The following DST variants were observed in gnomAD, a reference collection of about 807,000 sequenced individuals.
The protein encoded by DST is bullous pemphigoid antigen.
A neutral mutation model predicts 875.2 loss-of-function variants in DST; 253 were observed. That is an observed-to-expected ratio of 0.29 (90% CI 0.26 to 0.32). DST has a LOEUF of 0.32. DST is among the 10% of genes least tolerant of loss of function. The pLI is 1.00. For synonymous variants in DST, 3,124 were observed against 3,197.1 expected (o/e 0.98, Z 0.77); for missense variants, 8,287 against 9,111.6 (o/e 0.91, Z 3.68).
Position 56,636,285 on chromosome 6 carries a change from CACAT to C in DST, c.3060+268_3060+271del, listed in dbSNP as rs1241282676. On this transcript the variant is annotated intron_variant, in intron 23 of 103. Transcript: ENST00000680361. The stretch of plus-strand genomic sequence containing the variant: ...ACACACACAAACACACACACACACA[CACAT>C]ATACATATATACATATATAACAGTG... 3.2e-3 allele frequency among the ~76,000 whole-genome samples: 475 copies of C among 149,700 alleles called. 1 individual carries two copies. Among genetic ancestry groups the C allele is most frequent in the African/African-American group, 0.011 (444 of 39,988 alleles).
At chr6:56,479,767 A>T (rs2095339048) in intron 90 of DST, among the ~76,000 whole-genome samples, 1 of 152,064 alleles carries the variant, frequency 6.6e-6, no homozygotes, top group Non-Finnish European at 1.5e-5. Flanking sequence ...GACACTGAAG[A>T]CTCCAAAAAG....
At chr6:56,802,572 C>T (rs1241960707) in intron 4 of DST, among the ~76,000 whole-genome samples, 1 of 152,008 alleles carries the variant, frequency 6.6e-6, no homozygotes, top group Non-Finnish European at 1.5e-5. Flanking sequence ...TAGACTCTAA[C>T]AGGACATTAA....
At chr6:56,642,894 A>G (rs2152782625) in intron 15 of DST, 3 of 1,580,798 alleles carry the variant, frequency 1.9e-6, no homozygotes, top group East Asian at 4.5e-5. Context: ...GCAGCTGAAT[A>G]TTACAGCTTT....
At chr6:56,534,026 CTGAT>C (rs1473544081) in intron 63 of DST, among the ~76,000 whole-genome samples, 2 of 152,084 alleles carry the variant, frequency 1.3e-5, no homozygotes, top group Non-Finnish European at 2.9e-5. Context: ...TTAAATCAAT[CTGAT>C]TGACATATCC....
At chr6:56,466,396 G>GAA (rs34370097) in intron 98 of DST, 59 of 345,432 alleles carry the variant, frequency 1.7e-4, no homozygotes, top group Non-Finnish European at 2.5e-4. Flanking sequence ...GAAACAGTTT[G>GAA]AAAAAAAAAA....
chr6:56,535,556 C>T (rs146628034), intron 62 of DST, among the ~76,000 whole-genome samples: 24 of 152,170 alleles, frequency 1.6e-4, no homozygotes, highest in African/African-American at 4.8e-4. Flanking sequence ...TTGTCTAATA[C>T]GTTTTATGAT....
At chr6:56,580,449 T>C (rs1307829264) in intron 49 of DST, among the ~76,000 whole-genome samples, 5 of 151,984 alleles carry the variant, frequency 3.3e-5, no homozygotes, top group Non-Finnish European at 5.9e-5. Context: ...ACTCAGGAGC[T>C]GAGTCAGGAA....
chr6:56,661,288 C>T (rs2099039648), intron 10 of DST, among the ~76,000 whole-genome samples: 1 of 151,630 alleles, frequency 6.6e-6, no homozygotes, highest in Non-Finnish European at 1.5e-5. Flanking sequence ...ATGAACCTAT[C>T]AAAGAAAAAC....
In DST at chr6:56,954,624, T is replaced by G. The variant is rs767632948; in HGVS notation, c.-37A>C. 1.5e-6 allele frequency: 2 copies of G among 1,290,406 alleles called. No individual in the cohort carries two copies. The highest frequency in any genetic ancestry group is 2.0e-6 in the Non-Finnish European group (2 of 985,180). 79.9% of individuals were successfully genotyped at this position (1,290,406 alleles called of 1,614,324 possible). On this transcript the variant is annotated 5_prime_UTR_variant, in exon 1 of 104. Transcript: ENST00000680361. ...GGCGAGGGCGACTCGACGGCGGGGCTGGAGGGCGGCGGCACAGGCACCCGC... is the reference window on the plus strand; with the variant it reads ...GGCGAGGGCGACTCGACGGCGGGGCGGGAGGGCGGCGGCACAGGCACCCGC...
chr6:56,777,689 G>C (rs2099681868), intron 4 of DST, among the ~76,000 whole-genome samples: 1 of 151,900 alleles, frequency 6.6e-6, no homozygotes, highest in African/African-American at 2.4e-5. Context: ...AAATAGGAAA[G>C]AAGCATTTCC....
At chr6:56,833,891 C>T (rs1391527888) in intron 4 of DST, among the ~76,000 whole-genome samples, 2 of 150,622 alleles carry the variant, frequency 1.3e-5, no homozygotes, top group African/African-American at 2.4e-5. Context: ...CCAAAATATA[C>T]AAAAAACTCC....
Position 56,573,883 on chromosome 6 carries a change from G to A in DST, c.13032C>T (p.Asp4344=). 6.2e-7 allele frequency: 1 copy of A among 1,610,738 alleles called. No homozygotes were observed. The highest frequency in any genetic ancestry group is 8.5e-7 in the Non-Finnish European group (1 of 1,177,680). Residue 4344 remains aspartate, a synonymous_variant, in exon 51 of 104, where the codon GAC becomes GAT. Transcript: ENST00000680361. ...ACAGATCCTCATATCTCCCAACAAT[G>A]TCATCTACTCCAAACAGATCAGGAA... The part of the protein sequence containing the change: ...AKNDIQKTLD[D]IVGRYEDLSK...
chr6:56,807,928 T>C (rs778371254), intron 4 of DST, among the ~76,000 whole-genome samples: 1 of 152,220 alleles, frequency 6.6e-6, no homozygotes, highest in Non-Finnish European at 1.5e-5. Flanking sequence ...ATAATTCCTA[T>C]TACTTCCAAT....
At chr6:56,761,819 T>C (rs2099617890) in intron 4 of DST, among the ~76,000 whole-genome samples, 1 of 152,208 alleles carries the variant, frequency 6.6e-6, no homozygotes, top group Non-Finnish European at 1.5e-5. Context: ...AAAGAAGAAC[T>C]TACATCACAA....
At chr6:56,816,888 T>C (rs1374621772) in intron 4 of DST, among the ~76,000 whole-genome samples, 1 of 151,666 alleles carries the variant, frequency 6.6e-6, no homozygotes, top group African/African-American at 2.4e-5. Context: ...TTGTTAGCAA[T>C]AATGTTCATA....
At chr6:56,701,864 T>C in intron 8 of DST, 24 bp downstream of exon 8, 1 of 1,401,016 alleles carries the variant, frequency 7.1e-7, no homozygotes, top group South Asian at 1.2e-5. Flanking sequence ...TTTATATGAT[T>C]ACAGTATTTT....
chr6:56,593,062 T>C (rs1233052115), intron 48 of DST, among the ~76,000 whole-genome samples: 4 of 152,204 alleles, frequency 2.6e-5, no homozygotes, highest in Non-Finnish European at 5.9e-5. Flanking sequence ...TGCAAGCATC[T>C]GTTTTTGCTT....
At position 56,606,124 on chromosome 6, in the gene DST, A is replaced by C. The variant is rs377329549; in HGVS notation, c.8504T>G (p.Met2835Arg). Residue 2835 changes from methionine (M) to arginine (R), a missense_variant, in exon 40 of 104, where the codon ATG becomes AGG. This residue lies in a region of DST where 3,138 missense variants were observed against 3,116.6 expected (regional missense o/e 1.01). Transcript: ENST00000680361. The stretch of plus-strand genomic sequence containing the variant: ...AATAGAGGCACACAACTGGATATCC[A>C]TATCTTCAGCCACATTTTGGCACCT... ...KPRCQNVAEDMDIQLCASILN... is the reference protein window; with the variant it reads ...KPRCQNVAEDRDIQLCASILN... The C allele has an allele frequency of 1.3e-4, 212 of 1,612,816 alleles. No homozygotes were observed. The African/African-American group carries it at 2.4e-3, about 18-fold the overall frequency.
chr6:56,882,962 G>T (rs546115912), intron 3 of DST, among the ~76,000 whole-genome samples: 51 of 152,330 alleles, frequency 3.3e-4, no homozygotes, highest in Middle Eastern at 3.4e-3. Context: ...TGCCTGCCAG[G>T]TTCAAGCTGA....
Sources: gnomAD v4.1 joint callset for allele counts (sites outside exome capture counted in the v4.1 genomes callset) on GRCh38, gnomAD v4.1.1 for gene constraint, gnomAD v4.1.1 regional missense constraint, MANE v1.5 for transcripts, NCBI Gene and HGNC (gene_info 2026-07-23, HGNC 2026-07-21) for gene names.